The following RNF130 variants were observed in gnomAD, a reference collection of about 807,000 sequenced individuals.
RNF130 encodes ring finger protein 130.
RNF130 carries 21 observed loss-of-function variants against 44.6 expected under a neutral mutation model. The ratio of observed to expected loss-of-function variants is 0.47; its 90% CI spans 0.33 to 0.68. The LOEUF (loss-of-function observed/expected upper bound fraction) is 0.68. RNF130 is among the 30% of genes least tolerant of loss of function. The probability of loss-of-function intolerance (pLI) is 0.02; values close to 1 mark genes in which losing one functional copy is unlikely to be tolerated. For missense variants in RNF130, 479 were observed against 560.6 expected (o/e 0.85, Z 1.47); for synonymous variants, 214 against 210.4 (o/e 1.02, Z -0.15).
chr5:179,968,072 G>C (rs1242340360), intron 6 of RNF130, among the ~76,000 whole-genome samples: 2 of 152,074 alleles, frequency 1.3e-5, no homozygotes, highest in African/African-American at 4.8e-5. Flanking sequence ...GAGGCGGGCA[G>C]ATCACGAGGT....
At chr5:179,980,693 G>A (rs576785226) in intron 3 of RNF130, among the ~76,000 whole-genome samples, 1 of 152,302 alleles carries the variant, frequency 6.6e-6, no homozygotes, top group African/African-American at 2.4e-5. Flanking sequence ...GAAGGAATGC[G>A]TCACAGCTCC....
chr5:179,991,911 A>C (rs558397723), intron 3 of RNF130, among the ~76,000 whole-genome samples: 20 of 152,166 alleles, frequency 1.3e-4, no homozygotes, highest in African/African-American at 4.3e-4. Context: ...CATGAGGAGC[A>C]CTCAACCTAG....
chr5:180,022,480 C>T (rs560186308), intron 2 of RNF130, among the ~76,000 whole-genome samples: 11 of 152,298 alleles, frequency 7.2e-5, no homozygotes, highest in African/African-American at 2.6e-4. Flanking sequence ...TCTTCACTTA[C>T]GTAAATGTGA....
downstream of RNF130, among the ~76,000 whole-genome samples, chr5:179,951,667 C>T (rs909476193): frequency 2.0e-5 from 3 of 152,012 alleles, no homozygotes; most frequent in Non-Finnish European, 2.9e-5. Flanking sequence ...CATGTTAGGT[C>T]GTAAGAGAAG....
intron 2 of RNF130, among the ~76,000 whole-genome samples, chr5:180,017,993 A>G (rs1165882159): frequency 6.6e-6 from 1 of 152,168 alleles, no homozygotes; most frequent in Non-Finnish European, 1.5e-5. Context: ...GAGACTGGGT[A>G]ATTGAGAAAG....
At chr5:180,065,705 T>C (rs1029091318) in intron 1 of RNF130, among the ~76,000 whole-genome samples, 1 of 150,682 alleles carries the variant, frequency 6.6e-6, no homozygotes, top group South Asian at 2.1e-4. Context: ...GGTTGCAGTG[T>C]GCCAAGATCA....
At position 179,941,708 on chromosome 5, in the gene RNF130, G is replaced by C. The variant is rs572758756; in HGVS notation, c.1151-21282C>G. ...TCCTCAAGTCATCACTGCACTGATA[G>C]CTCTTTAATTTCTTAAAATAAAATG... On this transcript the variant is annotated intron_variant, in intron 7 of 7. Transcript: ENST00000522208. Among the ~76,000 whole-genome samples, 4 of 152,268 alleles carry C rather than the reference G, an allele frequency of 2.6e-5. No individual in the cohort carries two copies. The South Asian group carries it at 8.3e-4, about 32-fold the overall frequency.
In RNF130 at chr5:179,998,859, T is replaced by TATATATATATATATATATATATATA. The variant is rs1554103680; in HGVS notation, c.693+14201_693+14202insTATATATATATATATATATATATAT. ...TCTCTCTCTTTAGATCTAGTATTTT[T>TATATATATATATATATATATATATA]TATATATATATATATATATATATAT... On this transcript the variant is annotated intron_variant, in intron 3 of 8. Transcript: ENST00000521389. Among the ~76,000 whole-genome samples, 115 of 88,556 alleles carry TATATATATATATATATATATATATA rather than the reference T, an allele frequency of 1.3e-3. 1 individual carries two copies. The highest frequency in any genetic ancestry group is 1.8e-3 in the South Asian group (6 of 3,256). The allele number at this position is 88,556 out of a possible 152,430, so 58.1% of individuals were successfully genotyped here. A position where few individuals can be genotyped will look rare whatever the true frequency, so the allele number is the denominator to read the frequency against.
intron 7 of RNF130, among the ~76,000 whole-genome samples, chr5:179,944,885 G>T (rs1278266214): frequency 6.6e-6 from 1 of 152,098 alleles, no homozygotes; most frequent in African/African-American, 2.4e-5. Context: ...ATGACAGCAG[G>T]CCCTGTTTCC....
intron 7 of RNF130, among the ~76,000 whole-genome samples, chr5:179,937,832 T>C (rs1761914349): frequency 6.6e-6 from 1 of 151,758 alleles, no homozygotes; most frequent in African/African-American, 2.4e-5. Flanking sequence ...GAACAAATTG[T>C]GGTGTAGACA....
chr5:180,014,911 A>G (rs995203905), intron 2 of RNF130, among the ~76,000 whole-genome samples: 13 of 152,194 alleles, frequency 8.5e-5, no homozygotes, highest in African/African-American at 2.9e-4. Flanking sequence ...ACTGGAGTCC[A>G]GGAAGTTGAG....
chr5:179,919,897 C>A (rs32469), exon 8 of RNF130: 72,767 of 158,950 alleles, frequency 0.46, 17,374 homozygotes, highest in East Asian at 0.75. Flanking sequence ...GTACTCCACG[C>A]GGGTAGGAAG....
At chr5:179,976,503 T>G (rs1338281374) in intron 5 of RNF130, among the ~76,000 whole-genome samples, 1 of 152,222 alleles carries the variant, frequency 6.6e-6, no homozygotes, top group Non-Finnish European at 1.5e-5. Flanking sequence ...GCGTGTGCAT[T>G]TCCTTTAGCC....
chr5:180,065,150 T>A (rs892015436), intron 1 of RNF130, among the ~76,000 whole-genome samples: 3 of 150,236 alleles, frequency 2.0e-5, no homozygotes, highest in East Asian at 4.0e-4. Flanking sequence ...AAAAAAAAAA[T>A]CTTGCAAAGA....
At chr5:179,967,657 T>C (rs866239145) in intron 6 of RNF130, among the ~76,000 whole-genome samples, 5 of 152,360 alleles carry the variant, frequency 3.3e-5, no homozygotes, top group Middle Eastern at 3.4e-3. Flanking sequence ...AATGTGGCTA[T>C]TTGTTTACCT....
chr5:180,015,558 T>G (rs1265712456), intron 2 of RNF130, among the ~76,000 whole-genome samples: 7 of 59,462 alleles, frequency 1.2e-4, no homozygotes, highest in East Asian at 4.1e-4. Context: ...GGGGAAGGAG[T>G]AGGGAAGGAG....
intron 1 of RNF130, among the ~76,000 whole-genome samples, chr5:180,057,264 TC>T (rs1474573550): frequency 1.3e-5 from 2 of 152,114 alleles, no homozygotes; most frequent in Admixed American, 1.3e-4. Context: ...CATGTCTGTG[TC>T]GGGGTGGGCA....
intron 1 of RNF130, among the ~76,000 whole-genome samples, chr5:180,050,926 C>A (rs1764673429): frequency 1.3e-5 from 2 of 152,092 alleles, no homozygotes; most frequent in South Asian, 4.1e-4. Flanking sequence ...ACCTCAGCAT[C>A]CTGAGTAGCT....
Position 179,948,680 on chromosome 5 carries a change from AAGAG to A in RNF130, c.1150+18122_1150+18125del, listed in dbSNP as rs761069535. On this transcript the variant is annotated intron_variant, in intron 7 of 7. Transcript: ENST00000522208. ...ATAGAGCGAGACTCTGTCTCAAAAAAAGAGAGAGAGAGAAAAAAAGAGTCTTGAT... is the reference window on the plus strand; with the variant it reads ...ATAGAGCGAGACTCTGTCTCAAAAAAAGAGAGAGAAAAAAAGAGTCTTGAT... Among the ~76,000 whole-genome samples the A allele has an allele frequency of 4.6e-5, 7 of 152,206 alleles. No homozygotes were observed. In the South Asian group the frequency reaches 6.2e-4, roughly 14 times the overall value.
Sources: allele counts gnomAD v4.1 joint callset (sites outside exome capture counted in the v4.1 genomes callset), GRCh38; gene constraint gnomAD v4.1.1; transcripts MANE v1.5; gene names NCBI Gene and HGNC (gene_info 2026-07-23, HGNC 2026-07-21).